Variants in PLEKHB1 observed in about 807,000 individuals in gnomAD.
PLEKHB1 encodes the protein pleckstrin homology domain-containing family B member 1.
PLEKHB1 carries 29 observed loss-of-function variants against 36.2 expected under a neutral mutation model. That is an observed-to-expected ratio of 0.80 (90% CI 0.60 to 1.09). PLEKHB1 has a LOEUF of 1.09. PLEKHB1 is among the 50% of genes least tolerant of loss of function. The pLI, the probability that PLEKHB1 is intolerant of heterozygous loss-of-function variation, is 0.00. For missense variants in PLEKHB1, 330 were observed against 348.2 expected (o/e 0.95, Z 0.42); for synonymous variants, 138 against 140.0 (o/e 0.99, Z 0.10).
At chr11:73,653,104 G>A in intron 5 of PLEKHB1, 90 bp downstream of exon 5, 2 of 1,348,710 alleles carry the variant, frequency 1.5e-6, no homozygotes, top group Non-Finnish European at 2.1e-6. Flanking sequence ...CCTGCCAGAA[G>A]TTCTCAGTCT....
Position 73,650,635 on chromosome 11 carries a change from GC to G in PLEKHB1, c.178del (p.Gln60ArgfsTer16). The G allele has an allele frequency of 6.2e-7, 1 of 1,612,756 alleles. No homozygotes were observed. Among genetic ancestry groups the G allele is most frequent in the Non-Finnish European group, 8.5e-7 (1 of 1,179,420 alleles). ...TGGGATACTACCACGATGAGACAGC[GC>G]AGGACGAGGAGGACCGTGTGCTCAT... ...TLGYYHDETAQDEEDRVLIHF... is the reference protein window; with the variant it reads ...TLGYYHDETAXDEEDRVLIHF... On this transcript the variant is annotated frameshift_variant, in exon 3 of 8. Coordinates refer to ENST00000354190, the MANE Select transcript of PLEKHB1 (RefSeq NM_021200.3). LOFTEE classifies it high-confidence loss of function.
chr11:73,661,408 G>C lies in PLEKHB1; in HGVS notation c.596-58G>C. Reference sequence around the variant, plus strand: ...GGCTGGAGTGATGCAGGAAGGGTACGAAGATCACTCTACTCCCTCCTAAGT... The same window carrying C: ...GGCTGGAGTGATGCAGGAAGGGTACCAAGATCACTCTACTCCCTCCTAAGT... On this transcript the variant is annotated intron_variant, in intron 7 of 7. Coordinates refer to ENST00000354190, the MANE Select transcript of PLEKHB1 (RefSeq NM_021200.3). This position sits in a 1 kb window ranked among gnomAD's most constrained non-coding sequence, Gnocchi z 4.6. The C allele has an allele frequency of 6.3e-7, 1 of 1,592,068 alleles. No homozygotes were observed. The highest frequency in any genetic ancestry group is 1.7e-4 in the Middle Eastern group (1 of 5,984).
intron 5 of PLEKHB1, among the ~76,000 whole-genome samples, chr11:73,654,315 C>G (rs1033963666): frequency 6.6e-6 from 1 of 152,216 alleles, no homozygotes; most frequent in Non-Finnish European, 1.5e-5. Flanking sequence ...TGCTCTTTCT[C>G]TGTATGGCAC....
intron 6 of PLEKHB1, among the ~76,000 whole-genome samples, chr11:73,657,436 A>G (rs1367042784): frequency 1.3e-5 from 2 of 152,182 alleles, no homozygotes; most frequent in African/African-American, 4.8e-5. Context: ...AGCTAAGGGG[A>G]GTCATTTGCA....
At chr11:73,657,169 T>C (rs1287039073) in intron 6 of PLEKHB1, among the ~76,000 whole-genome samples, 1 of 152,026 alleles carries the variant, frequency 6.6e-6, no homozygotes, top group African/African-American at 2.4e-5. Context: ...TCCTGATGAC[T>C]CTGATGTGCA....
At position 73,662,317 on chromosome 11, in the gene PLEKHB1, C is replaced by G. The variant is rs1451754125; in HGVS notation, c.*715C>G. On this transcript the variant is annotated 3_prime_UTR_variant, in exon 8 of 8. Transcript: ENST00000354190. ...TTGTGAATACTGACACATGTCCATACCTAAAACACTCCTGAGTCAAGTCCC... is the reference window on the plus strand; with the variant it reads ...TTGTGAATACTGACACATGTCCATAGCTAAAACACTCCTGAGTCAAGTCCC... 1 of 152,146 alleles carries G rather than the reference C, an allele frequency of 6.6e-6. No individual in the cohort carries two copies. Among genetic ancestry groups the G allele is most frequent in the Non-Finnish European group, 1.5e-5 (1 of 68,054 alleles). The allele number at this position is 152,146 out of a possible 1,614,324, so 9.4% of individuals were successfully genotyped here.
In PLEKHB1 at chr11:73,649,014, C is replaced by T. The variant is rs1377886680; in HGVS notation, c.21C>T (p.Val7=). The change falls in exon 2 of 8, where the codon GTC becomes GTT. Residue 7 remains valine (V), a splice_region_variant and synonymous_variant. Transcript: ENST00000354190. MSPAAP[V]PPDSALESPF... ...GTCTCCCGTGGCTCCTCTGACAGGT[C>T]CCGCCTGACTCCGCTCTGGAAAGTC... 2.5e-6 allele frequency: 4 copies of T among 1,591,220 alleles called. No individual in the cohort carries two copies. Among genetic ancestry groups the T allele is most frequent in the Middle Eastern group, 3.3e-4 (2 of 6,034 alleles).
At chr11:73,653,645 CAG>C (rs1944941335) in intron 5 of PLEKHB1, among the ~76,000 whole-genome samples, 1 of 152,180 alleles carries the variant, frequency 6.6e-6, no homozygotes, top group Non-Finnish European at 1.5e-5. Context: ...GAAGGATAAA[CAG>C]AAATTGACTG....
chr11:73,653,061 A>G (rs1419036975), intron 5 of PLEKHB1, 47 bp downstream of exon 5: 2 of 1,571,572 alleles, frequency 1.3e-6, no homozygotes. Flanking sequence ...TCCATGTGCC[A>G]TGGAATCATG....
rs1193598886 is a variant in PLEKHB1, at chr11:73,661,040, G to A, written c.595+188G>A. The A allele has an allele frequency of 4.7e-6, 3 of 644,316 alleles. No homozygotes were observed. The highest frequency in any genetic ancestry group is 8.1e-6 in the Non-Finnish European group (3 of 370,740). The allele number at this position is 644,316 out of a possible 1,614,324, so 39.9% of individuals were successfully genotyped here. Reference sequence around the variant, plus strand: ...GAGCTCTGGAACCAGCGTTCGTCTCGAGCTGACCTCACCCTTCTGGGATGG... The same window carrying A: ...GAGCTCTGGAACCAGCGTTCGTCTCAAGCTGACCTCACCCTTCTGGGATGG... On this transcript the variant is annotated intron_variant, in intron 7 of 7. Coordinates refer to ENST00000354190, the MANE Select transcript of PLEKHB1 (RefSeq NM_021200.3). This position sits in a 1 kb window ranked among gnomAD's most constrained non-coding sequence, Gnocchi z 4.6.
At chr11:73,651,664 G>A in intron 3 of PLEKHB1, 124 bp from the exon 4 acceptor site, 1 of 724,244 alleles carries the variant, frequency 1.4e-6, no homozygotes, top group Non-Finnish European at 2.4e-6. Context: ...TATGGGATCA[G>A]AGGAGGTTGG....
intron 5 of PLEKHB1, among the ~76,000 whole-genome samples, chr11:73,655,567 A>AAT (rs1638634216): frequency 6.6e-6 from 1 of 152,154 alleles, no homozygotes; most frequent in Admixed American, 6.5e-5. Flanking sequence ...AGGGTGGGCT[A>AAT]ATTCTGGAAA....
intron 6 of PLEKHB1, among the ~76,000 whole-genome samples, chr11:73,657,634 G>C (rs563789206): frequency 6.6e-6 from 1 of 152,142 alleles, no homozygotes; most frequent in Non-Finnish European, 1.5e-5. Flanking sequence ...AGGTGCCCTC[G>C]AGGGATATGG....
Position 73,655,769 on chromosome 11 carries a change from C to T in PLEKHB1, c.391-34C>T, listed in dbSNP as rs762737418. On this transcript the variant is annotated intron_variant, in intron 5 of 7. Transcript: ENST00000354190. Reference sequence around the variant, plus strand: ...GAGGGCCTCTGACACCCCCTCCCTCCCTCCTCCTTCTTGGGTTTCTGTGGC... The same window carrying T: ...GAGGGCCTCTGACACCCCCTCCCTCTCTCCTCCTTCTTGGGTTTCTGTGGC... The T allele has an allele frequency of 1.4e-5, 22 of 1,595,532 alleles. No homozygotes were observed. The South Asian group carries it at 2.4e-4, about 18-fold the overall frequency.
intron 1 of PLEKHB1, chr11:73,647,609 A>T (rs960507254): frequency 5.1e-6 from 5 of 985,232 alleles, no homozygotes; most frequent in Admixed American, 6.1e-5. Flanking sequence ...CTGGGCTCTC[A>T]GGCGCTGCGG....
intron 5 of PLEKHB1, among the ~76,000 whole-genome samples, chr11:73,653,802 G>A (rs10898928): frequency 0.13 from 19,376 of 152,124 alleles, 1,444 homozygotes; most frequent in South Asian, 0.31. Flanking sequence ...GGGAGTGAGT[G>A]GGTAAGGAGG....
chr11:73,655,923 G>A lies in PLEKHB1; in HGVS notation c.495+16G>A. 6.2e-7 allele frequency: 1 copy of A among 1,608,034 alleles called. No individual in the cohort carries two copies. The highest frequency in any genetic ancestry group is 8.5e-7 in the Non-Finnish European group (1 of 1,175,126). ...GCGGATCTGGGTAAGTGCTGGCTCG[G>A]CCCTCCCTGCCTCCATACTGGCCAC... On this transcript the variant is annotated intron_variant, in intron 6 of 7. Coordinates refer to ENST00000354190, the MANE Select transcript of PLEKHB1 (RefSeq NM_021200.3).
chr11:73,647,863 C>G, intron 1 of PLEKHB1: 1 of 977,274 alleles, frequency 1.0e-6, no homozygotes, highest in Non-Finnish European at 1.2e-6. Flanking sequence ...GCCTTCCAGC[C>G]CAGGTGTGCC....
chr11:73,649,537 G>A (rs1007008914), intron 2 of PLEKHB1, among the ~76,000 whole-genome samples: 3 of 152,158 alleles, frequency 2.0e-5, no homozygotes, highest in Non-Finnish European at 2.9e-5. Context: ...CCCCAACCCC[G>A]GGCTGGACAC....
Sources: gnomAD v4.1 joint callset for allele counts (sites outside exome capture counted in the v4.1 genomes callset) on GRCh38, gnomAD v4.1.1 for gene constraint, Gnocchi (gnomAD v3.1) non-coding constraint, MANE v1.5 for transcripts, NCBI Gene and HGNC (gene_info 2026-07-23, HGNC 2026-07-21) for gene names.